Variants in CACNA1B observed in about 807,000 individuals in gnomAD.
The protein encoded by CACNA1B is calcium voltage-gated channel subunit alpha1 B.
CACNA1B carries 70 observed loss-of-function variants against 247.2 expected under a neutral mutation model. That is an observed-to-expected ratio of 0.28 (90% CI 0.23 to 0.35). The LOEUF is 0.35. Among genes scored for constraint, CACNA1B ranks in the 10% least tolerant of loss-of-function variants. The probability of loss-of-function intolerance (pLI) is 1.00; values close to 1 mark genes in which losing one functional copy is unlikely to be tolerated. For synonymous variants in CACNA1B, 1,231 were observed against 1,294.4 expected (o/e 0.95, Z 1.05); for missense variants, 2,367 against 3,197.4 (o/e 0.74, Z 6.26).
chr9:137,902,442 A>G (rs1206282643), intron 3 of CACNA1B, among the ~76,000 whole-genome samples: 1 of 152,194 alleles, frequency 6.6e-6, no homozygotes, highest in East Asian at 1.9e-4. Flanking sequence ...AAAGTACCCA[A>G]TACTTGTGTT....
At chr9:138,027,430 A>G (rs1421206605) in intron 20 of CACNA1B, among the ~76,000 whole-genome samples, 1 of 152,200 alleles carries the variant, frequency 6.6e-6, no homozygotes, top group South Asian at 2.1e-4. Context: ...AACTTCTGCA[A>G]ATATACTTCT....
rs572830916 is a variant in CACNA1B at position 138,058,375 on chromosome 9, C to T, written c.4308+125C>T. On this transcript the variant is annotated intron_variant, in intron 28 of 46. Coordinates refer to ENST00000371372, the MANE Select transcript of CACNA1B (RefSeq NM_000718.4). This position sits in a 1 kb window ranked among gnomAD's most constrained non-coding sequence, Gnocchi z 4.7. ...CTGCCACCGTCTGCCAACACAGGGG[C>T]AGGTCCTCCTTTCTCCTGCAGAGGG... is the stretch of plus-strand genomic sequence containing the variant. 2.8e-5 allele frequency: 28 copies of T among 986,186 alleles called. No individual in the cohort carries two copies. In the African/African-American group the frequency reaches 4.0e-4, roughly 14 times the overall value. The allele number at this position is 986,186 out of a possible 1,614,324, so 61.1% of individuals were successfully genotyped here. A position where few individuals can be genotyped will look rare whatever the true frequency, so the allele number is the denominator to read the frequency against.
chr9:138,039,184 A>T (rs1281776989), intron 20 of CACNA1B, among the ~76,000 whole-genome samples: 1 of 152,074 alleles, frequency 6.6e-6, no homozygotes, highest in African/African-American at 2.4e-5. Context: ...CGATAGGGCA[A>T]GACTCCGTCT....
At position 138,024,971 on chromosome 9, in the gene CACNA1B, C is replaced by G; in HGVS notation, c.3085C>G (p.Leu1029Val). Residue 1029 changes from leucine to valine, a missense_variant, in exon 20 of 47, where the codon CTG becomes GTG. This residue lies in a region of CACNA1B where 631 missense variants were observed against 631.1 expected (regional missense o/e 1.00). Transcript: ENST00000371372. ...TGATTGCAGGGAGCCACACTGTGACCTGGAGACCAGTGGGACTGTGACTGT... is the reference window on the plus strand; with the variant it reads ...TGATTGCAGGGAGCCACACTGTGACGTGGAGACCAGTGGGACTGTGACTGT... ...NHQPREPHCD[L>V]ETSGTVTVGP... The G allele has an allele frequency of 6.3e-7, 1 of 1,581,082 alleles. No homozygotes were observed. Among genetic ancestry groups the G allele is most frequent in the Non-Finnish European group, 8.6e-7 (1 of 1,163,454 alleles).
At chr9:137,930,552 A>G (rs1181315466) in intron 6 of CACNA1B, among the ~76,000 whole-genome samples, 9 of 152,248 alleles carry the variant, frequency 5.9e-5, no homozygotes, top group Non-Finnish European at 1.2e-4. Context: ...GCACTTGGAA[A>G]GAATGTATAT....
chr9:137,964,109 G>A (rs1260797455), intron 10 of CACNA1B, among the ~76,000 whole-genome samples: 1 of 152,134 alleles, frequency 6.6e-6, no homozygotes. Context: ...CTTTCTCTCT[G>A]GCTGCCCTTA....
At chr9:138,086,508 C>T (rs1278233067) in intron 36 of CACNA1B, among the ~76,000 whole-genome samples, 2 of 150,890 alleles carry the variant, frequency 1.3e-5, no homozygotes, top group Non-Finnish European at 2.9e-5. Flanking sequence ...TACACTCCAG[C>T]CTGGGCAACA....
In CACNA1B at chr9:138,054,595, G is replaced by T. The variant is rs1278520771; in HGVS notation, c.3968+589G>T. 6.6e-6 allele frequency among the ~76,000 whole-genome samples: 1 copy of T among 152,222 alleles called. No homozygotes were observed. The highest frequency in any genetic ancestry group is 2.1e-4 in the South Asian group (1 of 4,830). ...ATATCATGCAGCTTCCTCCTGTGCC[G>T]TGTGACTGATGGGCACTTGGCTGTT... On this transcript the variant is annotated intron_variant, in intron 26 of 46. Coordinates refer to ENST00000371372, the MANE Select transcript of CACNA1B (RefSeq NM_000718.4). The surrounding 1 kb of genome is among the most constrained non-coding windows in gnomAD (Gnocchi z 4.6).
At chr9:137,918,190 T>C (rs979841901) in intron 6 of CACNA1B, among the ~76,000 whole-genome samples, 2 of 151,858 alleles carry the variant, frequency 1.3e-5, no homozygotes, top group African/African-American at 2.4e-5. Flanking sequence ...GTGGCCATGA[T>C]TGAAGTTGAG....
rs1219772226 is a variant in CACNA1B, at chr9:137,948,110, A to C, written c.967-4164A>C. The stretch of plus-strand genomic sequence containing the variant: ...ATTTTCCTGCCTCAGGCTGTGGAGT[A>C]GCTGGGATTACAAGCATGCACCACC... On this transcript the variant is annotated intron_variant, in intron 6 of 46. Coordinates refer to ENST00000371372, the MANE Select transcript of CACNA1B (RefSeq NM_000718.4). Among the ~76,000 whole-genome samples, 3 of 150,504 alleles carry C rather than the reference A, an allele frequency of 2.0e-5. No homozygotes were observed. The Admixed American group carries it at 2.0e-4, about 10-fold the overall frequency.
Position 137,880,860 on chromosome 9 carries a change from G to A in CACNA1B, c.390+1701G>A, listed in dbSNP as rs1056515837. Reference sequence around the variant, plus strand: ...GTTGTCTCCCAGCCTGGCCCTGGGCGAGGCCTCCCTGGTTCCCTGCCTCTC... The same window carrying A: ...GTTGTCTCCCAGCCTGGCCCTGGGCAAGGCCTCCCTGGTTCCCTGCCTCTC... On this transcript the variant is annotated intron_variant, in intron 2 of 46. Coordinates refer to ENST00000371372, the MANE Select transcript of CACNA1B (RefSeq NM_000718.4). The surrounding 1 kb of genome is among the most constrained non-coding windows in gnomAD (Gnocchi z 4.8). Among the ~76,000 whole-genome samples, 2 of 152,144 alleles carry A rather than the reference G, an allele frequency of 1.3e-5. No homozygotes were observed. Among genetic ancestry groups the A allele is most frequent in the South Asian group, 2.1e-4 (1 of 4,824 alleles).
intron 12 of CACNA1B, 142 bp downstream of exon 12, chr9:137,976,161 G>A: frequency 1.6e-6 from 1 of 628,506 alleles, no homozygotes; most frequent in Non-Finnish European, 2.8e-6. Flanking sequence ...ACAGTGAGGA[G>A]CAGGGGGCTG....
intron 3 of CACNA1B, among the ~76,000 whole-genome samples, chr9:137,887,367 G>A (rs1340976113): frequency 6.6e-6 from 1 of 151,594 alleles, no homozygotes; most frequent in African/African-American, 2.4e-5. Flanking sequence ...GGGGCAGGAG[G>A]GAGATGGAGG....
rs1363537690 is a variant in CACNA1B, at chr9:138,100,252, G to A, written c.5223-2459G>A. 2.6e-5 allele frequency among the ~76,000 whole-genome samples: 4 copies of A among 152,224 alleles called. No individual in the cohort carries two copies. Among genetic ancestry groups the A allele is most frequent in the Non-Finnish European group, 5.9e-5 (4 of 68,042 alleles). On this transcript the variant is annotated intron_variant, in intron 37 of 46. Coordinates refer to ENST00000371372, the MANE Select transcript of CACNA1B (RefSeq NM_000718.4). The surrounding 1 kb of genome is among the most constrained non-coding windows in gnomAD (Gnocchi z 4.6). ...GAGGAGAGTGCATTGCAGAGGGGCT[G>A]CAAGGAAGGCTGAGACCGTTTGAGA...
In CACNA1B at chr9:138,102,106, A is replaced by G. The variant is rs759605940; in HGVS notation, c.5223-605A>G. Reference sequence around the variant, plus strand: ...CTGGCCTCGGGCGTCTCTGGGCTTGAAGCAGGACTTGCCCCAAGGTTAGGT... The same window carrying G: ...CTGGCCTCGGGCGTCTCTGGGCTTGGAGCAGGACTTGCCCCAAGGTTAGGT... On this transcript the variant is annotated intron_variant, in intron 37 of 46. Coordinates refer to ENST00000371372, the MANE Select transcript of CACNA1B (RefSeq NM_000718.4). The surrounding 1 kb of genome is among the most constrained non-coding windows in gnomAD (Gnocchi z 5.4). 1.2e-4 allele frequency among the ~76,000 whole-genome samples: 18 copies of G among 152,124 alleles called. No homozygotes were observed. The highest frequency in any genetic ancestry group is 2.0e-4 in the Admixed American group (3 of 15,278).
intron 3 of CACNA1B, among the ~76,000 whole-genome samples, chr9:137,897,307 C>T (rs1193181390): frequency 2.0e-5 from 3 of 152,026 alleles, no homozygotes; most frequent in South Asian, 2.1e-4. Flanking sequence ...AGGTTGGGTG[C>T]GGTGGCTCAT....
At chr9:138,019,872 C>T (rs897352824) in intron 18 of CACNA1B, among the ~76,000 whole-genome samples, 11 of 151,930 alleles carry the variant, frequency 7.2e-5, no homozygotes, top group Non-Finnish European at 1.5e-4. Flanking sequence ...CTGAGGTGGG[C>T]GGATTCCCTG....
At chr9:138,094,457 A>AAAAAAAAAAAAAAAAAAAAAGAAGAAG (rs752912258) in intron 36 of CACNA1B, among the ~76,000 whole-genome samples, 2 of 134,894 alleles carry the variant, frequency 1.5e-5, no homozygotes, top group Non-Finnish European at 3.2e-5. Context: ...AAAAAAAAAA[A>AAAAAAAAAAAAAAAAAAAAAGAAGAAG]AAGAAGAAGA....
intron 3 of CACNA1B, among the ~76,000 whole-genome samples, chr9:137,884,985 G>A (rs1361607629): frequency 1.0e-5 from 1 of 96,162 alleles, no homozygotes; most frequent in African/African-American, 4.3e-5. Flanking sequence ...CACTTTGCCT[G>A]TCTAGCCCTT....
Sources: gnomAD v4.1 joint callset for allele counts (sites outside exome capture counted in the v4.1 genomes callset) on GRCh38, gnomAD v4.1.1 for gene constraint, gnomAD v4.1.1 regional missense constraint, Gnocchi (gnomAD v3.1) non-coding constraint, MANE v1.5 for transcripts, NCBI Gene and HGNC (gene_info 2026-07-23, HGNC 2026-07-21) for gene names.